Variants in PRKAR1B observed in about 807,000 individuals in gnomAD.
PRKAR1B encodes cAMP-dependent protein kinase type I-beta regulatory subunit.
Under a neutral mutation model 46.5 loss-of-function variants are expected in PRKAR1B, and 22 were observed. The ratio of observed to expected loss-of-function variants is 0.47; its 90% confidence interval spans 0.34 to 0.68. The LOEUF is 0.68. Ranked by LOEUF, PRKAR1B falls within the 30% of genes least tolerant of loss-of-function variation. The pLI is 0.01. For synonymous variants in PRKAR1B, 259 were observed against 217.7 expected (o/e 1.19, Z -1.67); for missense variants, 445 against 535.6 (o/e 0.83, Z 1.67).
chr7:679,599 C>T (rs1020924886), intron 3 of PRKAR1B, among the ~76,000 whole-genome samples: 35 of 152,176 alleles, frequency 2.3e-4, no homozygotes, highest in African/African-American at 8.0e-4. Context: ...GGAATAGAGT[C>T]TCAGTTCTGC....
rs768388987 is a variant in PRKAR1B, at chr7:727,263, C to G, written c.-76G>C. On this transcript the variant is annotated 5_prime_UTR_variant, in exon 1 of 11. Transcript: ENST00000537384. The stretch of plus-strand genomic sequence containing the variant: ...GCTCCCTGCTCGACCCCTTCGCCGC[C>G]GTGCGCCGCGAGAGCTGCAGCTGCG... 38 of 1,330,718 alleles carry G rather than the reference C, an allele frequency of 2.9e-5. No homozygotes were observed. Among genetic ancestry groups the G allele is most frequent in the South Asian group, 7.7e-5 (4 of 52,268 alleles). The allele number at this position is 1,330,718 out of a possible 1,614,324, so 82.4% of individuals were successfully genotyped here. A position where few individuals can be genotyped will look rare whatever the true frequency, so the allele number is the denominator to read the frequency against.
intron 9 of PRKAR1B, among the ~76,000 whole-genome samples, chr7:570,845 C>T (rs1779465017): frequency 6.6e-6 from 1 of 152,114 alleles, no homozygotes; most frequent in South Asian, 2.1e-4. Flanking sequence ...GGCCCCTGCC[C>T]CACGGCCCCC....
Position 550,572 on chromosome 7 carries a change from C to A in PRKAR1B, c.1004G>T (p.Arg335Leu). ...CCCCCGGGCCACGACAGTGGCCGCC[C>A]GGGGCCGGTTCAGCAGCAGTGCAAT... ...GEIALLLNRP[R>L]AATVVARGPL... Residue 335 changes from arginine (R) to leucine (L), a missense_variant, in exon 11 of 11, where the codon CGG (arginine) becomes CTG (leucine). By Grantham distance (102) the Arg-to-Leu change is moderately radical. This residue lies in a region of PRKAR1B where 127 missense variants were observed against 138.0 expected (regional missense o/e 0.92). Transcript: ENST00000537384. The A allele has an allele frequency of 6.3e-7, 1 of 1,593,636 alleles. No individual in the cohort carries two copies.
intron 9 of PRKAR1B, among the ~76,000 whole-genome samples, chr7:572,165 G>C (rs1157979127): frequency 6.6e-6 from 1 of 152,202 alleles, no homozygotes; most frequent in Non-Finnish European, 1.5e-5. Context: ...CTGGGGCTCA[G>C]GGCTCCCGCT....
intron 4 of PRKAR1B, among the ~76,000 whole-genome samples, chr7:639,055 G>C (rs1442283392): frequency 1.3e-5 from 2 of 152,064 alleles, no homozygotes; most frequent in Non-Finnish European, 2.9e-5. Flanking sequence ...TCCAGCCTGG[G>C]TGACAGAGCG....
At chr7:708,844 G>C (rs1429585996) in intron 2 of PRKAR1B, among the ~76,000 whole-genome samples, 1 of 148,720 alleles carries the variant, frequency 6.7e-6, no homozygotes, top group East Asian at 2.0e-4. Flanking sequence ...CCAGGCCAGA[G>C]TGCAGTGACG....
intron 4 of PRKAR1B, among the ~76,000 whole-genome samples, chr7:643,804 G>A (rs935706349): frequency 1.1e-4 from 16 of 152,144 alleles, no homozygotes; most frequent in African/African-American, 2.9e-4. Context: ...CAGCTGAGGC[G>A]GCCATGTTGT....
chr7:617,119 G>C (rs757641892), intron 4 of PRKAR1B, among the ~76,000 whole-genome samples: 17 of 148,304 alleles, frequency 1.1e-4, no homozygotes, highest in African/African-American at 4.0e-4. Flanking sequence ...TCAGCCTCCC[G>C]AGTAGCTGGG....
intron 1 of PRKAR1B, among the ~76,000 whole-genome samples, chr7:722,791 C>G (rs1583463308): frequency 6.6e-6 from 1 of 152,250 alleles, no homozygotes; most frequent in East Asian, 1.9e-4. Flanking sequence ...CTTGGTATGA[C>G]AAGTGATCTC....
chr7:635,965 C>T (rs1784035773), intron 4 of PRKAR1B, among the ~76,000 whole-genome samples: 1 of 123,992 alleles, frequency 8.1e-6, no homozygotes, highest in Admixed American at 8.3e-5. Context: ...GCCGCGCCCT[C>T]ACGTCCTCCA....
chr7:716,637 T>C (rs1780893380), intron 1 of PRKAR1B: 1 of 152,194 alleles, frequency 6.6e-6, no homozygotes, highest in African/African-American at 2.4e-5. Context: ...TCTTATTCTT[T>C]ATTCACTCTG....
intron 2 of PRKAR1B, among the ~76,000 whole-genome samples, chr7:706,193 G>A (rs1780313902): frequency 6.6e-6 from 1 of 152,116 alleles, no homozygotes; most frequent in Admixed American, 6.6e-5. Flanking sequence ...AGGCATGGTG[G>A]TGGGCACCGG....
rs181302512 is a variant in PRKAR1B, at chr7:571,322, G to A, written c.891+7934C>T. On this transcript the variant is annotated intron_variant, in intron 9 of 10. Coordinates refer to ENST00000537384, the MANE Select transcript of PRKAR1B (RefSeq NM_001164760.2). ...CCCCACCCGATGACGGGGTGTGCAC[G>A]GGGTCCTCCAGGGGTGCTGTTTTGC... Among the ~76,000 whole-genome samples, 183 of 152,222 alleles carry A rather than the reference G, an allele frequency of 1.2e-3. No individual in the cohort carries two copies. The East Asian group carries it at 0.017, about 14-fold the overall frequency.
Position 593,051 on chromosome 7 carries a change from C to A in PRKAR1B, c.708+3095G>T, listed in dbSNP as rs1282277267. Among the ~76,000 whole-genome samples, 1 of 151,954 alleles carries A rather than the reference C, an allele frequency of 6.6e-6. No individual in the cohort carries two copies. The highest frequency in any genetic ancestry group is 1.5e-5 in the Non-Finnish European group (1 of 67,940). On this transcript the variant is annotated intron_variant, in intron 7 of 10. Transcript: ENST00000537384. The surrounding 1 kb of genome is among the most constrained non-coding windows in gnomAD (Gnocchi z 6.1). ...ATTGTTTCAAAAAAATTAAAAAAAA[C>A]AAAAAGGTAAGAAAGAAAAAGCAAG...
chr7:615,455 A>C (rs1471685559), intron 4 of PRKAR1B, among the ~76,000 whole-genome samples: 7 of 151,508 alleles, frequency 4.6e-5, no homozygotes, highest in African/African-American at 1.5e-4. Context: ...ATAAAAAATA[A>C]AAAAGACAGA....
chr7:587,984 G>C (rs943281305), intron 7 of PRKAR1B, among the ~76,000 whole-genome samples: 6 of 152,192 alleles, frequency 3.9e-5, no homozygotes, highest in African/African-American at 1.4e-4. Context: ...GCTCAGGCCG[G>C]GTTGTTTCCA....
chr7:717,334 A>G (rs1583458913), intron 1 of PRKAR1B, among the ~76,000 whole-genome samples: 1 of 151,768 alleles, frequency 6.6e-6, no homozygotes, highest in Middle Eastern at 3.4e-3. Context: ...GGAAAGAAAG[A>G]AAGGAAAAAG....
chr7:588,519 ATGG>A (rs1451953126), intron 7 of PRKAR1B, among the ~76,000 whole-genome samples: 20 of 73,258 alleles, frequency 2.7e-4, no homozygotes, highest in Admixed American at 9.6e-4. Flanking sequence ...GATCACGATG[ATGG>A]TGGTGACGGT....
chr7:580,247 GAAA>G (rs1273883970), intron 8 of PRKAR1B, among the ~76,000 whole-genome samples: 2 of 143,294 alleles, frequency 1.4e-5, no homozygotes, highest in South Asian at 2.2e-4. Context: ...AAAAAAAAAA[GAAA>G]AAAGAAAAAA....
Sources: allele counts gnomAD v4.1 joint callset (sites outside exome capture counted in the v4.1 genomes callset), GRCh38; gene constraint gnomAD v4.1.1; regional missense constraint gnomAD v4.1.1; non-coding constraint Gnocchi (gnomAD v3.1); transcripts MANE v1.5; gene names NCBI Gene and HGNC (gene_info 2026-07-23, HGNC 2026-07-21).